The following CACNA2D3 variants were observed in gnomAD, a reference collection of about 807,000 sequenced individuals.
The protein encoded by CACNA2D3 is voltage-dependent calcium channel subunit alpha-2/delta-3.
In CACNA2D3, 60 loss-of-function variants were observed where a neutral mutation model predicts 160.6. The observed-to-expected ratio is 0.37, with a 90% confidence interval of 0.30 to 0.46. The LOEUF (loss-of-function observed/expected upper bound fraction) is 0.46. Ranked by LOEUF, CACNA2D3 falls within the 20% of genes least tolerant of loss-of-function variation. CACNA2D3 has a pLI of 1.00. For synonymous variants in CACNA2D3, 558 were observed against 492.9 expected (o/e 1.13, Z -1.75); for missense variants, 1,205 against 1,365.0 (o/e 0.88, Z 1.85).
intron 2 of CACNA2D3, among the ~76,000 whole-genome samples, chr3:54,161,448 T>G (rs1700342950): frequency 6.6e-6 from 1 of 152,256 alleles, no homozygotes; most frequent in Admixed American, 6.5e-5. Flanking sequence ...GAGGGGCACC[T>G]ACCAGGGAGG....
At chr3:54,540,626 C>T (rs921146803) in intron 5 of CACNA2D3, among the ~76,000 whole-genome samples, 5 of 152,090 alleles carry the variant, frequency 3.3e-5, no homozygotes, top group African/African-American at 1.2e-4. Flanking sequence ...GGACTCTTTT[C>T]CTAGTTTGCA....
chr3:54,643,122 C>G (rs1699559518), intron 11 of CACNA2D3, among the ~76,000 whole-genome samples: 1 of 21,020 alleles, frequency 4.8e-5, no homozygotes, highest in Non-Finnish European at 1.4e-4. Context: ...GTAGTGTTAT[C>G]CTGACTGTCT....
intron 2 of CACNA2D3, among the ~76,000 whole-genome samples, chr3:54,272,511 T>G (rs1702641528): frequency 6.6e-6 from 1 of 152,080 alleles, no homozygotes; most frequent in Non-Finnish European, 1.5e-5. Flanking sequence ...AAGGTGCAAG[T>G]GATCCCTGTT....
At chr3:54,958,272 A>G (rs906099649) in intron 27 of CACNA2D3, among the ~76,000 whole-genome samples, 4 of 152,230 alleles carry the variant, frequency 2.6e-5, no homozygotes, top group Non-Finnish European at 5.9e-5. Flanking sequence ...TTCAGCCTAT[A>G]ATCCCAGCTA....
chr3:55,051,680 A>G (rs1704220481), intron 35 of CACNA2D3, among the ~76,000 whole-genome samples: 1 of 152,146 alleles, frequency 6.6e-6, no homozygotes, highest in Non-Finnish European at 1.5e-5. Context: ...AAGCCTGGGC[A>G]ATGGCGGGCG....
intron 5 of CACNA2D3, among the ~76,000 whole-genome samples, chr3:54,548,146 T>C (rs1346023522): frequency 6.6e-6 from 1 of 152,188 alleles, no homozygotes; most frequent in African/African-American, 2.4e-5. Flanking sequence ...CTATGGGAAC[T>C]GTATTTCCCC....
intron 2 of CACNA2D3, among the ~76,000 whole-genome samples, chr3:54,232,997 T>TA (rs1701804369): frequency 6.6e-6 from 1 of 152,150 alleles, no homozygotes; most frequent in Non-Finnish European, 1.5e-5. Flanking sequence ...GACAAATAGT[T>TA]ATACGCAATA....
intron 8 of CACNA2D3, among the ~76,000 whole-genome samples, chr3:54,577,691 G>C (rs143862211): frequency 6.6e-6 from 1 of 151,894 alleles, no homozygotes. Context: ...TCATTCTTAC[G>C]TGCCAGGTTC....
At chr3:54,225,442 CTTTT>C (rs1701654076) in intron 2 of CACNA2D3, among the ~76,000 whole-genome samples, 2 of 152,192 alleles carry the variant, frequency 1.3e-5, no homozygotes, top group Non-Finnish European at 2.9e-5. Flanking sequence ...GAGGTTAGAC[CTTTT>C]CACAATATCC....
At chr3:54,955,107 G>A (rs1034120394) in intron 27 of CACNA2D3, among the ~76,000 whole-genome samples, 4 of 152,136 alleles carry the variant, frequency 2.6e-5, no homozygotes, top group African/African-American at 4.8e-5. Flanking sequence ...TCGAACGTAC[G>A]TAACATGGGG....
chr3:54,188,680 G>A (rs1247343522), intron 2 of CACNA2D3, among the ~76,000 whole-genome samples: 4 of 152,106 alleles, frequency 2.6e-5, no homozygotes, highest in Admixed American at 6.6e-5. Flanking sequence ...GTTTACTGTC[G>A]GCTCCTTCAT....
intron 2 of CACNA2D3, among the ~76,000 whole-genome samples, chr3:54,195,976 T>C (rs558578933): frequency 2.0e-4 from 30 of 152,364 alleles, no homozygotes; most frequent in African/African-American, 7.0e-4. Flanking sequence ...GGAGCACGAC[T>C]GCCATTGATC....
intron 3 of CACNA2D3, among the ~76,000 whole-genome samples, chr3:54,363,381 A>G (rs1303663128): frequency 6.6e-6 from 1 of 152,174 alleles, no homozygotes; most frequent in Admixed American, 6.5e-5. Context: ...TGCCACTGTC[A>G]TCATATGGGG....
At chr3:54,615,246 C>G (rs963283374) in intron 9 of CACNA2D3, among the ~76,000 whole-genome samples, 1 of 152,164 alleles carries the variant, frequency 6.6e-6, no homozygotes, top group East Asian at 1.9e-4. Context: ...CGCAAGGAGA[C>G]TACTACTCAT....
chr3:54,204,871 A>G (rs1249132583), intron 2 of CACNA2D3, among the ~76,000 whole-genome samples: 2 of 151,870 alleles, frequency 1.3e-5, no homozygotes, highest in African/African-American at 4.8e-5. Context: ...AAAAAAATGG[A>G]AAAACTTACC....
chr3:55,052,247 C>G (rs1704242509), intron 35 of CACNA2D3, among the ~76,000 whole-genome samples: 1 of 152,062 alleles, frequency 6.6e-6, no homozygotes, highest in Admixed American at 6.6e-5. Context: ...TTTCCGGAAA[C>G]TTTTCTGTTA....
intron 35 of CACNA2D3, among the ~76,000 whole-genome samples, chr3:55,027,707 G>C (rs944461868): frequency 2.6e-5 from 4 of 152,026 alleles, no homozygotes; most frequent in African/African-American, 9.7e-5. Context: ...GAGTGCGCTG[G>C]AAATTGAGTT....
At chr3:54,185,674 G>T (rs942786822) in intron 2 of CACNA2D3, among the ~76,000 whole-genome samples, 2 of 152,108 alleles carry the variant, frequency 1.3e-5, no homozygotes, top group Non-Finnish European at 2.9e-5. Context: ...ACAAATACTC[G>T]ACTCTGCTGT....
At chr3:54,132,839 A>G (rs997392479) in intron 2 of CACNA2D3, among the ~76,000 whole-genome samples, 4 of 152,130 alleles carry the variant, frequency 2.6e-5, no homozygotes, top group African/African-American at 7.2e-5. Flanking sequence ...TGACCCTGAC[A>G]AGTCAGTTGC....
Sources: gnomAD v4.1 joint callset for allele counts (sites outside exome capture counted in the v4.1 genomes callset) on GRCh38, gnomAD v4.1.1 for gene constraint, MANE v1.5 for transcripts, NCBI Gene and HGNC (gene_info 2026-07-23, HGNC 2026-07-21) for gene names.